Variants in EXOSC4 observed in about 807,000 individuals in gnomAD.
The protein encoded by EXOSC4 is exosome complex component RRP41.
Under a neutral mutation model 20.0 loss-of-function variants are expected in EXOSC4, and 14 were observed. The observed-to-expected ratio is 0.70, with a 90% CI of 0.46 to 1.09. The LOEUF (loss-of-function observed/expected upper bound fraction) is 1.09, where lower values mean the gene tolerates loss of function less well. Among genes scored for constraint, EXOSC4 ranks in the 50% least tolerant of loss-of-function variants. The pLI is 0.00. For synonymous variants in EXOSC4, 148 were observed against 146.4 expected (o/e 1.01, Z -0.08); for missense variants, 337 against 334.0 (o/e 1.01, Z -0.07).
upstream of EXOSC4, among the ~76,000 whole-genome samples, chr8:144,077,473 A>T (rs1835846845): frequency 6.6e-6 from 1 of 152,162 alleles, no homozygotes; most frequent in South Asian, 2.1e-4. Flanking sequence ...CTCATGCCTC[A>T]GTCTTTCAGG....
At chr8:144,077,574 C>T (rs1489111052), upstream of EXOSC4, among the ~76,000 whole-genome samples, 1 of 152,190 alleles carries the variant, frequency 6.6e-6, no homozygotes, top group African/African-American at 2.4e-5. Flanking sequence ...GCTCTTCCTA[C>T]AGTCTAATAT....
chr8:144,078,820 T>C lies in EXOSC4; in HGVS notation c.92T>C (p.Val31Ala). ...ELRKIQARMG[V>A]FAQADGSAYI... ...CGCAAGATCCAGGCGCGGATGGGCG[T>C]GTTCGCGCAGGCTGACGGCTCGGCC... Residue 31 changes from valine (V) to alanine (A), a missense_variant, in exon 1 of 3, where the codon GTG becomes GCG. Val to Ala is a moderately conservative substitution (Grantham distance 64). Coordinates refer to ENST00000316052, the MANE Select transcript of EXOSC4 (RefSeq NM_019037.3). This position sits in a 1 kb window ranked among gnomAD's most constrained non-coding sequence, Gnocchi z 4.7. 1 of 1,580,140 alleles carries C rather than the reference T, an allele frequency of 6.3e-7. No homozygotes were observed. The highest frequency in any genetic ancestry group is 8.6e-7 in the Non-Finnish European group (1 of 1,165,848).
At chr8:144,065,606 G>T in the EXOSC4 span, among the ~76,000 whole-genome samples, 4 of 151,852 alleles carry the variant, frequency 2.6e-5, no homozygotes, top group South Asian at 2.1e-4. Flanking sequence ...GCGATGGCAG[G>T]CACCTGTAAT....
At chr8:144,071,689 C>T in the EXOSC4 span, among the ~76,000 whole-genome samples, 2 of 151,634 alleles carry the variant, frequency 1.3e-5, no homozygotes, top group African/African-American at 4.8e-5. Context: ...ACATACTGTA[C>T]ATATTGGTCA....
At chr8:144,065,293 G>A in the EXOSC4 span, among the ~76,000 whole-genome samples, 20 of 152,218 alleles carry the variant, frequency 1.3e-4, no homozygotes, top group Admixed American at 3.3e-4. Context: ...AGACTGTCCT[G>A]GGATTCTCAA....
chr8:144,069,324 G>A, the EXOSC4 span, among the ~76,000 whole-genome samples: 6 of 152,172 alleles, frequency 3.9e-5, no homozygotes, highest in East Asian at 1.9e-4. Context: ...TTACAGTCCC[G>A]GAGACCAAAA....
upstream of EXOSC4, among the ~76,000 whole-genome samples, chr8:144,077,558 C>T (rs1554762896): frequency 6.6e-6 from 1 of 152,164 alleles, no homozygotes; most frequent in African/African-American, 2.4e-5. Context: ...TTTCCCTAGC[C>T]CGCCTGCTCT....
At chr8:144,075,973 G>T (rs930833580), upstream of EXOSC4, among the ~76,000 whole-genome samples, 1 of 152,232 alleles carries the variant, frequency 6.6e-6, no homozygotes, top group African/African-American at 2.4e-5. Flanking sequence ...AGGCAAGTTT[G>T]AAGAGTGGGT....
the EXOSC4 span, among the ~76,000 whole-genome samples, chr8:144,072,761 G>A: frequency 2.6e-4 from 40 of 152,332 alleles, no homozygotes; most frequent in Admixed American, 1.1e-3. Context: ...ATTCTATTGT[G>A]TATACACACA....
the EXOSC4 span, among the ~76,000 whole-genome samples, chr8:144,064,388 T>C: frequency 1.3e-5 from 2 of 152,234 alleles, no homozygotes; most frequent in African/African-American, 4.8e-5. Context: ...GCACAGCTTC[T>C]GAAGGGATCA....
At chr8:144,064,127 G>T in the EXOSC4 span, among the ~76,000 whole-genome samples, 143 of 152,368 alleles carry the variant, frequency 9.4e-4, 1 homozygote, top group African/African-American at 3.3e-3. Flanking sequence ...AGCCCCCTGA[G>T]GGCCAAATGG....
chr8:144,066,161 T>C, the EXOSC4 span, among the ~76,000 whole-genome samples: 1 of 151,678 alleles, frequency 6.6e-6, no homozygotes, highest in East Asian at 2.0e-4. Context: ...GGACTACAGG[T>C]GCCCGCCACC....
the EXOSC4 span, among the ~76,000 whole-genome samples, chr8:144,071,292 C>G: frequency 1.4e-3 from 120 of 83,212 alleles, 1 homozygote; most frequent in African/African-American, 5.9e-3. Context: ...CTCCTCCGCT[C>G]CCCTCTCCTC....
Position 144,078,893 on chromosome 8 carries a change from G to T in EXOSC4, c.165G>T (p.Pro55=). ...AGGCACTGGCTGTGGTCTACGGCCC[G>T]CACGAGGCGAGTGGGCGCGCGGGAT... is the stretch of plus-strand genomic sequence containing the variant. The part of the protein sequence containing the change: ...NTKALAVVYG[P]HEIRGSRARA... The change falls in exon 1 of 3, where the codon CCG becomes CCT. Residue 55 remains proline, a synonymous_variant. Transcript: ENST00000316052. This position sits in a 1 kb window ranked among gnomAD's most constrained non-coding sequence, Gnocchi z 4.7. 3 of 1,478,896 alleles carry T rather than the reference G, an allele frequency of 2.0e-6. No homozygotes were observed. The highest frequency in any genetic ancestry group is 2.7e-6 in the Non-Finnish European group (3 of 1,111,172). The allele number at this position is 1,478,896 out of a possible 1,614,324, so 91.6% of individuals were successfully genotyped here.
At chr8:144,066,585 G>T in the EXOSC4 span, among the ~76,000 whole-genome samples, 3 of 151,756 alleles carry the variant, frequency 2.0e-5, no homozygotes, top group Admixed American at 2.0e-4. Context: ...GGGACTACAG[G>T]TGTGTGCCAC....
At chr8:144,067,345 T>C in the EXOSC4 span, among the ~76,000 whole-genome samples, 3 of 152,246 alleles carry the variant, frequency 2.0e-5, no homozygotes, top group South Asian at 4.1e-4. Context: ...ACGTGATCCT[T>C]CCAAAGGATG....
chr8:144,079,923 A>T lies in EXOSC4; in HGVS notation c.172-20A>T. 6.2e-7 allele frequency: 1 copy of T among 1,612,706 alleles called. No homozygotes were observed. Among genetic ancestry groups the T allele is most frequent in the African/African-American group, 1.3e-5 (1 of 75,028 alleles). ...GAGCTGGAAGGAGTGGGCCTGGCTC[A>T]TGTGTCTGTCCTCTTCCAGATCCGG... On this transcript the variant is annotated intron_variant, in intron 1 of 2. Transcript: ENST00000316052.
chr8:144,070,693 T>C, the EXOSC4 span, among the ~76,000 whole-genome samples: 4 of 151,882 alleles, frequency 2.6e-5, no homozygotes, highest in African/African-American at 9.7e-5. Context: ...CCGGGCATGG[T>C]GGCGCACGCC....
the EXOSC4 span, among the ~76,000 whole-genome samples, chr8:144,071,159 C>T: frequency 7.0e-6 from 1 of 142,148 alleles, no homozygotes; most frequent in Admixed American, 7.1e-5. Context: ...GTCCAGTTTC[C>T]TTTCTCCCTC....
Sources: allele counts gnomAD v4.1 joint callset (sites outside exome capture counted in the v4.1 genomes callset), GRCh38; gene constraint gnomAD v4.1.1; non-coding constraint Gnocchi (gnomAD v3.1); transcripts MANE v1.5; gene names NCBI Gene and HGNC (gene_info 2026-07-23, HGNC 2026-07-21).